The following WDPCP variants were observed in gnomAD, a reference collection of about 807,000 sequenced individuals.
The protein encoded by WDPCP is WD repeat-containing and planar cell polarity effector protein fritz homolog.
A neutral mutation model predicts 93.1 loss-of-function variants in WDPCP; 71 were observed. That is an observed-to-expected ratio of 0.76 (90% confidence interval 0.63 to 0.93). The LOEUF (loss-of-function observed/expected upper bound fraction) is 0.93, where lower values mean the gene tolerates loss of function less well. Among genes scored for constraint, WDPCP ranks in the 40% least tolerant of loss-of-function variants. The pLI, the probability that WDPCP is intolerant of heterozygous loss-of-function variation, is 0.00. For missense variants in WDPCP, 844 were observed against 887.4 expected (o/e 0.95, Z 0.62); for synonymous variants, 315 against 315.0 (o/e 1.00, Z 0.00).
intron 13 of WDPCP, among the ~76,000 whole-genome samples, chr2:63,301,872 G>T (rs897202008): frequency 6.6e-6 from 1 of 151,670 alleles, no homozygotes; most frequent in Admixed American, 6.6e-5. Flanking sequence ...CTGAAGCACT[G>T]GGACTTCTTT....
chr2:63,758,359 A>G (rs767302489), intron 2 of WDPCP, among the ~76,000 whole-genome samples: 6 of 151,982 alleles, frequency 3.9e-5, no homozygotes, highest in Non-Finnish European at 8.8e-5. Context: ...ATGAAAGTTT[A>G]CCAAAAAAAA....
chr2:63,709,619 T>A (rs1321714690), intron 2 of WDPCP, among the ~76,000 whole-genome samples: 1 of 152,238 alleles, frequency 6.6e-6, no homozygotes, highest in African/African-American at 2.4e-5. Flanking sequence ...TAACTGCCTC[T>A]AAATTGTTTC....
At chr2:63,366,296 C>T (rs912195955) in intron 12 of WDPCP, among the ~76,000 whole-genome samples, 1 of 151,978 alleles carries the variant, frequency 6.6e-6, no homozygotes, top group Non-Finnish European at 1.5e-5. Flanking sequence ...CCTCCAAAGC[C>T]CAACCCTACA....
At chr2:63,122,983 C>G (rs1208001942) in intron 17 of WDPCP, among the ~76,000 whole-genome samples, 6 of 149,128 alleles carry the variant, frequency 4.0e-5, no homozygotes, top group Non-Finnish European at 8.9e-5. Flanking sequence ...AGATATGCGG[C>G]TAAAAAATAA....
At chr2:63,242,148 C>A (rs1344443148) in intron 14 of WDPCP, among the ~76,000 whole-genome samples, 1 of 152,076 alleles carries the variant, frequency 6.6e-6, no homozygotes, top group African/African-American at 2.4e-5. Context: ...ATATTACATT[C>A]TCTAATGTTA....
chr2:63,539,605 G>T (rs927142048), intron 1 of WDPCP, among the ~76,000 whole-genome samples: 8 of 152,090 alleles, frequency 5.3e-5, no homozygotes, highest in African/African-American at 1.9e-4. Flanking sequence ...AGAAGCATTT[G>T]AACTTGGGAG....
At chr2:63,641,377 C>T (rs1234043431) in intron 3 of WDPCP, among the ~76,000 whole-genome samples, 1 of 152,126 alleles carries the variant, frequency 6.6e-6, no homozygotes, top group Non-Finnish European at 1.5e-5. Context: ...AACTGTTCTC[C>T]ATAGTAGTTG....
intron 14 of WDPCP, among the ~76,000 whole-genome samples, chr2:63,241,519 AAG>A (rs1282676886): frequency 1.3e-5 from 2 of 152,308 alleles, no homozygotes; most frequent in South Asian, 4.1e-4. Flanking sequence ...TTTAAAGTAT[AAG>A]AGCAAATCTT....
chr2:63,382,095 C>T lies in WDPCP; in HGVS notation c.1436-1G>A, dbSNP rs959923850. ...CCCAGCTGTCCTCGAGTGAAGACGC[C>T]TATCACAAAACATGGAAAACCAGGT... On this transcript the variant is annotated splice_acceptor_variant, in intron 10 of 17. Coordinates refer to ENST00000272321, the MANE Select transcript of WDPCP (RefSeq NM_015910.7). LOFTEE classifies it high-confidence loss of function. The T allele has an allele frequency of 6.2e-7, 1 of 1,611,900 alleles. No individual in the cohort carries two copies. Among genetic ancestry groups the T allele is most frequent in the African/African-American group, 1.3e-5 (1 of 74,936 alleles).
intron 6 of WDPCP, chr2:63,443,020 T>C (rs984341032): frequency 2.6e-5 from 4 of 152,134 alleles, no homozygotes; most frequent in African/African-American, 9.6e-5. Context: ...GAGCAGTGAT[T>C]TGGAGACTAT....
chr2:63,814,229 C>T (rs928919957), intron 1 of WDPCP, among the ~76,000 whole-genome samples: 3 of 151,946 alleles, frequency 2.0e-5, no homozygotes, highest in African/African-American at 7.3e-5. Flanking sequence ...TCAAAGTAAA[C>T]AATTATTTTC....
At chr2:63,734,136 C>T (rs1454035716) in intron 2 of WDPCP, among the ~76,000 whole-genome samples, 1 of 152,110 alleles carries the variant, frequency 6.6e-6, no homozygotes, top group African/African-American at 2.4e-5. Context: ...TTTTGTTATC[C>T]ATTCACCAGT....
intron 2 of WDPCP, among the ~76,000 whole-genome samples, chr2:63,671,070 G>A (rs940595654): frequency 1.1e-4 from 17 of 152,162 alleles, no homozygotes; most frequent in African/African-American, 4.1e-4. Context: ...TCAGCTTTGA[G>A]ATTTTTAGAG....
chr2:63,829,827 G>A (rs1025377270), upstream of WDPCP, among the ~76,000 whole-genome samples: 7 of 151,954 alleles, frequency 4.6e-5, no homozygotes, highest in Non-Finnish European at 7.4e-5. Flanking sequence ...GATTTTTTCA[G>A]TATTACAATT....
chr2:63,386,749 A>C (rs575137989), intron 10 of WDPCP, among the ~76,000 whole-genome samples: 1 of 152,228 alleles, frequency 6.6e-6, no homozygotes, highest in Non-Finnish European at 1.5e-5. Context: ...TAGCATTTTT[A>C]ATCTGTTAGC....
intron 10 of WDPCP, among the ~76,000 whole-genome samples, chr2:63,398,662 A>G (rs532026390): frequency 1.3e-5 from 2 of 152,280 alleles, no homozygotes; most frequent in Non-Finnish European, 2.9e-5. Flanking sequence ...TACATATGAA[A>G]GCATTCTATT....
intron 14 of WDPCP, among the ~76,000 whole-genome samples, chr2:63,189,965 T>C (rs909629914): frequency 2.0e-5 from 3 of 152,202 alleles, no homozygotes; most frequent in Admixed American, 6.5e-5. Flanking sequence ...GGTTTCATTG[T>C]TCATTCTTAA....
At chr2:63,836,853 A>G in the WDPCP span, among the ~76,000 whole-genome samples, 1 of 152,244 alleles carries the variant, frequency 6.6e-6, no homozygotes, top group Non-Finnish European at 1.5e-5. Context: ...GAGGGGAATT[A>G]TTGATAAACA....
intron 3 of WDPCP, chr2:63,604,698 T>G (rs201112064): frequency 1.2e-6 from 2 of 1,612,214 alleles, no homozygotes; most frequent in Admixed American, 1.7e-5. Context: ...TTAACTAGAT[T>G]GCTCTTAAAC....
Sources: gnomAD v4.1 joint callset for allele counts (sites outside exome capture counted in the v4.1 genomes callset) on GRCh38, gnomAD v4.1.1 for gene constraint, MANE v1.5 for transcripts, NCBI Gene and HGNC (gene_info 2026-07-23, HGNC 2026-07-21) for gene names.